MMAA: variants seen among roughly 807,000 people sequenced by gnomAD.
MMAA encodes the protein metabolism of cobalamin associated A.
In MMAA, 41 loss-of-function variants were observed where a neutral mutation model predicts 45.0. The observed-to-expected ratio is 0.91, with a 90% CI of 0.71 to 1.18. MMAA has a LOEUF of 1.18. MMAA is among the 50% of genes most tolerant of loss of function. MMAA has a pLI of 0.00. For missense variants in MMAA, 460 were observed against 495.7 expected (o/e 0.93, Z 0.68); for synonymous variants, 154 against 178.2 (o/e 0.86, Z 1.08).
At chr4:145,641,722 C>T (rs962362991) in intron 2 of MMAA, among the ~76,000 whole-genome samples, 3 of 152,104 alleles carry the variant, frequency 2.0e-5, no homozygotes, top group Admixed American at 6.5e-5. Flanking sequence ...TCACATAGCT[C>T]GTGGGAGGCA....
intron 1 of MMAA, among the ~76,000 whole-genome samples, chr4:145,621,113 C>T (rs1734080084): frequency 6.6e-6 from 1 of 152,182 alleles, no homozygotes; most frequent in Non-Finnish European, 1.5e-5. Flanking sequence ...TGCTTGATGC[C>T]AGGCCCTGTG....
At chr4:145,652,050 G>A (rs1728107687) in intron 5 of MMAA, among the ~76,000 whole-genome samples, 1 of 152,120 alleles carries the variant, frequency 6.6e-6, no homozygotes, top group Admixed American at 6.5e-5. Context: ...GCACTAGAGT[G>A]ACTCAGAGAA....
intron 2 of MMAA, 22 bp downstream of exon 2, chr4:145,639,600 T>C (rs2126617662): frequency 1.3e-6 from 2 of 1,595,210 alleles, no homozygotes; most frequent in East Asian, 4.5e-5. Context: ...TTGTGTGTTT[T>C]CTCAGTAAAT....
rs528444604 is a variant in MMAA, at chr4:145,624,933, C to T, written c.-66+5526C>T. On this transcript the variant is annotated intron_variant, in intron 1 of 6. Coordinates refer to ENST00000649156, the MANE Select transcript of MMAA (RefSeq NM_172250.3). ...GTCATGCAGGCACTTAGATTGCCCA[C>T]GTTTTCCAACTCCATACCTTTGGGC... 3.0e-5 allele frequency: 39 copies of T among 1,296,800 alleles called. No homozygotes were observed. In the African/African-American group the frequency reaches 4.1e-4, roughly 14 times the overall value. The allele number at this position is 1,296,800 out of a possible 1,614,324, so 80.3% of individuals were successfully genotyped here.
chr4:145,646,831 C>T (rs1727938959), intron 4 of MMAA, among the ~76,000 whole-genome samples: 1 of 152,132 alleles, frequency 6.6e-6, no homozygotes, highest in Non-Finnish European at 1.5e-5. Context: ...CAGAGAAGTA[C>T]AGTTTGCTCA....
intron 1 of MMAA, among the ~76,000 whole-genome samples, chr4:145,634,436 T>C (rs774142737): frequency 8.6e-5 from 13 of 151,988 alleles, no homozygotes; most frequent in Admixed American, 4.6e-4. Context: ...TGCTGGCTGA[T>C]CAGGGACTTA....
At position 145,642,278 on chromosome 4, in the gene MMAA, G is replaced by T. The variant is rs546694191; in HGVS notation, c.440-85G>T. ...TTTAATACATTAGGGGAAATAGAAG[G>T]TAGTCTAATATTTTACTCAGTAAAA... On this transcript the variant is annotated intron_variant, in intron 2 of 6. Coordinates refer to ENST00000649156, the MANE Select transcript of MMAA (RefSeq NM_172250.3). The T allele has an allele frequency of 4.3e-6, 6 of 1,400,462 alleles. No individual in the cohort carries two copies. In the South Asian group the frequency reaches 7.0e-5, roughly 16 times the overall value. The allele number at this position is 1,400,462 out of a possible 1,614,324, so 86.8% of individuals were successfully genotyped here.
chr4:145,650,053 A>G (rs548802632), intron 4 of MMAA, among the ~76,000 whole-genome samples: 1 of 152,312 alleles, frequency 6.6e-6, no homozygotes, highest in South Asian at 2.1e-4. Flanking sequence ...AGCATAAATT[A>G]CCTTTTTCCA....
At chr4:145,630,734 A>C (rs1321695622) in intron 1 of MMAA, among the ~76,000 whole-genome samples, 4 of 152,210 alleles carry the variant, frequency 2.6e-5, no homozygotes, top group Non-Finnish European at 5.9e-5. Context: ...ATCTCAAAAA[A>C]AAAAGATGCA....
intron 1 of MMAA, chr4:145,624,385 G>A (rs1734153789): frequency 1.3e-6 from 1 of 782,010 alleles, no homozygotes; most frequent in Non-Finnish European, 2.3e-6. Flanking sequence ...CCCAGCAGGA[G>A]CCAGTCAGCT....
intron 1 of MMAA, among the ~76,000 whole-genome samples, chr4:145,622,644 A>G (rs372823370): frequency 1.1e-3 from 165 of 152,346 alleles, no homozygotes; most frequent in African/African-American, 3.4e-3. Context: ...AAATTCATCA[A>G]TGCAAAATAA....
chr4:145,650,972 T>G, intron 4 of MMAA, 90 bp from the exon 5 acceptor site: 1 of 1,116,434 alleles, frequency 9.0e-7, no homozygotes, highest in Non-Finnish European at 1.4e-6. Context: ...TGAGTATGAG[T>G]AAATGAAGTA....
At chr4:145,652,713 G>A (rs1217813364) in intron 5 of MMAA, among the ~76,000 whole-genome samples, 1 of 151,868 alleles carries the variant, frequency 6.6e-6, no homozygotes, top group African/African-American at 2.4e-5. Context: ...CTAGGTGACA[G>A]AGTGAGACTC....
intron 1 of MMAA, among the ~76,000 whole-genome samples, chr4:145,622,611 T>C (rs1734111928): frequency 6.6e-6 from 1 of 152,242 alleles, no homozygotes; most frequent in Non-Finnish European, 1.5e-5. Flanking sequence ...ATGGCTGTTA[T>C]GCTTTTGATG....
At chr4:145,646,991 A>G (rs1197009940) in intron 4 of MMAA, among the ~76,000 whole-genome samples, 2 of 152,190 alleles carry the variant, frequency 1.3e-5, no homozygotes, top group African/African-American at 4.8e-5. Context: ...CCTGCTGGAT[A>G]AGCAGGAGAG....
intron 2 of MMAA, among the ~76,000 whole-genome samples, chr4:145,641,382 T>G (rs1727777091): frequency 6.6e-6 from 1 of 152,202 alleles, no homozygotes; most frequent in African/African-American, 2.4e-5. Context: ...GTTATTTTTT[T>G]CACCACCATA....
At chr4:145,654,275 C>G in intron 6 of MMAA, 132 bp downstream of exon 6, 1 of 1,129,958 alleles carries the variant, frequency 8.8e-7, no homozygotes, top group Admixed American at 1.8e-5. Context: ...AAAATCATGA[C>G]AAAGACGGAG....
At chr4:145,632,816 G>T (rs1164011858) in intron 1 of MMAA, among the ~76,000 whole-genome samples, 1 of 151,170 alleles carries the variant, frequency 6.6e-6, no homozygotes. Flanking sequence ...GGAGTGTAGT[G>T]GTGTGATCAG....
At chr4:145,652,325 C>T (rs567804864) in intron 5 of MMAA, among the ~76,000 whole-genome samples, 4 of 152,248 alleles carry the variant, frequency 2.6e-5, no homozygotes, top group Non-Finnish European at 4.4e-5. Context: ...CCCCTGTCCC[C>T]TCCCTGGAAG....
Sources: allele counts gnomAD v4.1 joint callset (sites outside exome capture counted in the v4.1 genomes callset), GRCh38; gene constraint gnomAD v4.1.1; transcripts MANE v1.5; gene names NCBI Gene and HGNC (gene_info 2026-07-23, HGNC 2026-07-21).